KNL1: variants seen among roughly 807,000 people sequenced by gnomAD.
KNL1 encodes the protein kinetochore scaffold 1, also known as outer kinetochore KNL1 complex subunit KNL1.
In KNL1, 66 loss-of-function variants were observed where a neutral mutation model predicts 201.3. The observed-to-expected ratio is 0.33, with a 90% CI of 0.27 to 0.40. The LOEUF (loss-of-function observed/expected upper bound fraction) is 0.40. Among genes scored for constraint, KNL1 ranks in the 10% least tolerant of loss-of-function variants. The probability of loss-of-function intolerance (pLI) is 1.00; values close to 1 mark genes in which losing one functional copy is unlikely to be tolerated. For missense variants in KNL1, 2,815 were observed against 2,690.5 expected, an observed-to-expected ratio of 1.05 and a Z score of -1.02; for synonymous variants, 895 against 899.2, an observed-to-expected ratio of 1.00 and a Z score of 0.08.
At chr15:40,603,132 C>T (rs1386273431) in intron 2 of KNL1, among the ~76,000 whole-genome samples, 166 bp downstream of exon 2, 3 of 151,856 alleles carry the variant, frequency 2.0e-5, no homozygotes, top group Non-Finnish European at 4.4e-5. Context: ...GGTACATGTG[C>T]ACAACGTGCA....
chr15:40,626,560 A>G (rs987375776), intron 10 of KNL1, among the ~76,000 whole-genome samples: 1 of 151,380 alleles, frequency 6.6e-6, no homozygotes, highest in Non-Finnish European at 1.5e-5. Context: ...ATCTGCTGTC[A>G]TGGAGTTTAC....
At chr15:40,616,379 G>A (rs778741266) in intron 8 of KNL1, among the ~76,000 whole-genome samples, 5 of 151,984 alleles carry the variant, frequency 3.3e-5, no homozygotes, top group Non-Finnish European at 7.4e-5. Context: ...CACCCGCCTC[G>A]GCCTCCCAAA....
At chr15:40,654,021 A>G (rs931467651) in intron 21 of KNL1, among the ~76,000 whole-genome samples, 3 of 152,114 alleles carry the variant, frequency 2.0e-5, no homozygotes, top group Non-Finnish European at 2.9e-5. Context: ...TGCTGTGTTT[A>G]TTAGTGCAGT....
At chr15:40,626,159 T>C (rs1394494861) in intron 10 of KNL1, 1 of 152,240 alleles carries the variant, frequency 6.6e-6, no homozygotes, top group East Asian at 1.9e-4. Flanking sequence ...ATTTTTATTT[T>C]ATTTTATTTT....
intron 14 of KNL1, among the ~76,000 whole-genome samples, chr15:40,641,870 G>GT (rs1893239538): frequency 1.3e-5 from 2 of 152,168 alleles, no homozygotes; most frequent in Non-Finnish European, 2.9e-5. Context: ...TTACGTAGAA[G>GT]ATAGCTCATT....
intron 19 of KNL1, among the ~76,000 whole-genome samples, chr15:40,651,150 T>C (rs1435487231): frequency 6.6e-6 from 1 of 152,084 alleles, no homozygotes; most frequent in African/African-American, 2.4e-5. Flanking sequence ...TATTTTTATA[T>C]TTTTGCTTTT....
intron 9 of KNL1, 80 bp downstream of exon 9, chr15:40,619,091 A>G: frequency 2.0e-6 from 2 of 992,540 alleles, no homozygotes; most frequent in Non-Finnish European, 3.2e-6. Flanking sequence ...TGATAATGGC[A>G]TAGTTTAGGG....
In KNL1 at chr15:40,624,807, A is replaced by G; in HGVS notation, c.4543A>G (p.Asn1515Asp). 1 of 1,613,670 alleles carries G rather than the reference A, an allele frequency of 6.2e-7. No homozygotes were observed. The highest frequency in any genetic ancestry group is 8.5e-7 in the Non-Finnish European group (1 of 1,179,896). The change falls in exon 10 of 26, where the codon AAC becomes GAC. Residue 1515 changes from asparagine to aspartate, a missense_variant. Physicochemically the swap from Asn to Asp is conservative, Grantham distance 23 (BLOSUM62 1). Transcript: ENST00000399668. ...KELKENIQTT[N>D]YNTALDFHSN... ...ACTGAAGGAAAATATTCAAACAACTAACTATAATACAGCTCTAGATTTCCA... is the reference window on the plus strand; with the variant it reads ...ACTGAAGGAAAATATTCAAACAACTGACTATAATACAGCTCTAGATTTCCA...
In KNL1 at chr15:40,615,345, A is replaced by G. The variant is rs759612313; in HGVS notation, c.289A>G (p.Lys97Glu). ...TGENLLLIQN[K>E]KLEDNYCEIT... ...AAAATACTTTTTAATTTTTAGGAATAAGAAATTAGAAGATAATTACTGTGA... is the reference window on the plus strand; with the variant it reads ...AAAATACTTTTTAATTTTTAGGAATGAGAAATTAGAAGATAATTACTGTGA... Residue 97 changes from lysine to glutamate, a missense_variant, in exon 8 of 26, where the codon AAG becomes GAG. Lys to Glu is a moderately conservative substitution (Grantham distance 56). Coordinates refer to ENST00000399668, the MANE Select transcript of KNL1 (RefSeq NM_144508.5). 1 of 693,668 alleles carries G rather than the reference A, an allele frequency of 1.4e-6. No homozygotes were observed. The highest frequency in any genetic ancestry group is 2.4e-6 in the Non-Finnish European group (1 of 422,220). 43.0% of individuals were successfully genotyped at this position (693,668 alleles called of 1,614,324 possible).
chr15:40,659,272 A>AG, intron 24 of KNL1, 67 bp from the exon 25 acceptor site: 1 of 1,500,584 alleles, frequency 6.7e-7, no homozygotes, highest in East Asian at 2.3e-5. Flanking sequence ...TCAAAAAAAA[A>AG]AAAAAAGAAA....
chr15:40,635,243 A>G (rs992596708), intron 13 of KNL1, among the ~76,000 whole-genome samples: 2 of 150,698 alleles, frequency 1.3e-5, no homozygotes, highest in African/African-American at 4.9e-5. Context: ...TAGTAGAGAC[A>G]GGGTTTCACT....
intron 4 of KNL1, among the ~76,000 whole-genome samples, chr15:40,607,361 A>G (rs76928222): frequency 6.6e-6 from 1 of 152,154 alleles, no homozygotes; most frequent in Non-Finnish European, 1.5e-5. Flanking sequence ...TGTTAGTCCC[A>G]GTGTTTACCA....
rs1244503164 is a variant in KNL1, at chr15:40,625,351, T to G, written c.5087T>G (p.Ile1696Ser). 9.9e-6 allele frequency: 16 copies of G among 1,614,104 alleles called. No individual in the cohort carries two copies. The highest frequency in any genetic ancestry group is 1.2e-5 in the Non-Finnish European group (14 of 1,179,984). ...TQPVSSKDSGIGSVAGKLNLS... is the reference protein window; with the variant it reads ...TQPVSSKDSGSGSVAGKLNLS... Reference sequence around the variant, plus strand: ...CCGGTCTCTAGCAAAGATTCAGGCATTGGATCTGTTGCAGGTAAACTGAAC... The same window carrying G: ...CCGGTCTCTAGCAAAGATTCAGGCAGTGGATCTGTTGCAGGTAAACTGAAC... Residue 1696 changes from isoleucine (I) to serine (S), a missense_variant, in exon 10 of 26, where the codon ATT becomes AGT. Ile to Ser is a moderately radical substitution (Grantham distance 142). Coordinates refer to ENST00000399668, the MANE Select transcript of KNL1 (RefSeq NM_144508.5).
chr15:40,602,426 G>A (rs1409925401), intron 1 of KNL1, among the ~76,000 whole-genome samples: 1 of 148,900 alleles, frequency 6.7e-6, no homozygotes, highest in East Asian at 2.0e-4. Flanking sequence ...ATGAGCCACC[G>A]CGCCCGGCCA....
chr15:40,656,086 C>T (rs1397955925), intron 22 of KNL1, among the ~76,000 whole-genome samples: 3 of 152,052 alleles, frequency 2.0e-5, no homozygotes, highest in Non-Finnish European at 2.9e-5. Context: ...AATTAGGAAA[C>T]TACAGATCAA....
At position 40,663,933 on chromosome 15, in the gene KNL1, A is replaced by G; in HGVS notation, c.*1745A>G. The stretch of plus-strand genomic sequence containing the variant: ...TGAGCTATACGTCAAAAGACACATA[A>G]GCTTCAAAAGTCAAGACAAACCTCA... On this transcript the variant is annotated 3_prime_UTR_variant, in exon 26 of 26. Transcript: ENST00000399668. The G allele has an allele frequency of 5.2e-6, 1 of 190,626 alleles. No homozygotes were observed. Among genetic ancestry groups the G allele is most frequent in the Non-Finnish European group, 1.1e-5 (1 of 90,874 alleles). 11.8% of individuals were successfully genotyped at this position (190,626 alleles called of 1,614,324 possible). A position where few individuals can be genotyped will look rare whatever the true frequency, so the allele number is the denominator to read the frequency against.
chr15:40,631,004 G>A (rs967631820), intron 13 of KNL1, among the ~76,000 whole-genome samples: 11 of 152,084 alleles, frequency 7.2e-5, no homozygotes, highest in Admixed American at 3.9e-4. Flanking sequence ...TGTAGTCCCC[G>A]CTACTCAGGA....
intron 1 of KNL1, among the ~76,000 whole-genome samples, chr15:40,600,300 C>G (rs1434839766): frequency 1.3e-5 from 2 of 152,198 alleles, no homozygotes; most frequent in Non-Finnish European, 2.9e-5. Flanking sequence ...GTCTCAAACT[C>G]CTGACCTGAG....
rs151025377 is a variant in KNL1 at position 40,655,230 on chromosome 15, G to A, written c.6484+253G>A. Among the ~76,000 whole-genome samples the A allele has an allele frequency of 5.1e-4, 78 of 152,114 alleles. No homozygotes were observed. In the East Asian group the frequency reaches 7.4e-3, roughly 14 times the overall value. The stretch of plus-strand genomic sequence containing the variant: ...GGAGAATCACTTGAACCTGGGAGGT[G>A]GAGGTTGTGGTGAGCCAAGATTATG... On this transcript the variant is annotated intron_variant, in intron 22 of 25. Transcript: ENST00000399668.
Sources: allele counts gnomAD v4.1 joint callset (sites outside exome capture counted in the v4.1 genomes callset), GRCh38; gene constraint gnomAD v4.1.1; transcripts MANE v1.5; gene names NCBI Gene and HGNC (gene_info 2026-07-23, HGNC 2026-07-21).